TNNI3K: variants seen among roughly 807,000 people sequenced by gnomAD.
The protein encoded by TNNI3K is TNNI3 interacting kinase.
Under a neutral mutation model 114.5 loss-of-function variants are expected in TNNI3K, and 140 were observed. That is an observed-to-expected ratio of 1.22 (90% confidence interval 1.07 to 1.41). TNNI3K has a LOEUF of 1.41. TNNI3K is among the 40% of genes most tolerant of loss of function. The pLI is 0.00. For missense variants in TNNI3K, 1,125 were observed against 1,007.6 expected, an observed-to-expected ratio of 1.12 and a Z score of -1.58; for synonymous variants, 347 against 347.5, an observed-to-expected ratio of 1.00 and a Z score of 0.02.
intron 23 of TNNI3K, among the ~76,000 whole-genome samples, chr1:74,520,206 G>A (rs1457221137): frequency 6.6e-6 from 1 of 151,814 alleles, no homozygotes; most frequent in Non-Finnish European, 1.5e-5. Context: ...TTATGCATGT[G>A]CATCCTCATA....
intron 23 of TNNI3K, among the ~76,000 whole-genome samples, chr1:74,530,263 G>A (rs139076785): frequency 1.8e-3 from 275 of 152,336 alleles, no homozygotes; most frequent in African/African-American, 6.3e-3. Context: ...AAGAGAGATA[G>A]GGATATAGCC....
chr1:74,240,163 G>A (rs1351418657), intron 2 of TNNI3K: 5 of 198,668 alleles, frequency 2.5e-5, no homozygotes, highest in African/African-American at 7.0e-5. Context: ...GTTCATTAAA[G>A]GCAGCTTTTT....
intron 9 of TNNI3K, among the ~76,000 whole-genome samples, chr1:74,351,153 G>T (rs1244724781): frequency 6.6e-6 from 1 of 151,932 alleles, no homozygotes; most frequent in Non-Finnish European, 1.5e-5. Flanking sequence ...CTCTTTTAGG[G>T]CAGGCCTGGT....
intron 21 of TNNI3K, chr1:74,469,595 TTTGC>T (rs1667826155): frequency 3.6e-6 from 1 of 276,154 alleles, no homozygotes; most frequent in African/African-American, 2.2e-5. Flanking sequence ...TTTTTCAATG[TTTGC>T]TTGCTTTTGC....
At chr1:74,406,056 G>T (rs1664596917) in intron 17 of TNNI3K, among the ~76,000 whole-genome samples, 1 of 152,244 alleles carries the variant, frequency 6.6e-6, no homozygotes, top group South Asian at 2.1e-4. Flanking sequence ...AAAATTGAGA[G>T]ATGGGTCAGT....
At chr1:74,465,199 C>T (rs1246479138) in intron 21 of TNNI3K, among the ~76,000 whole-genome samples, 1 of 152,198 alleles carries the variant, frequency 6.6e-6, no homozygotes, top group East Asian at 1.9e-4. Context: ...AACTCTTCAG[C>T]CCCCAGCTGC....
intron 2 of TNNI3K, chr1:74,240,326 C>G (rs1654111321): frequency 6.5e-6 from 1 of 153,800 alleles, no homozygotes; most frequent in Non-Finnish European, 1.4e-5. Flanking sequence ...AGCACAGTGT[C>G]TGGCACATGG....
At chr1:74,342,715 A>T in intron 7 of TNNI3K, 127 bp from the exon 8 acceptor site, 1 of 1,245,292 alleles carries the variant, frequency 8.0e-7, no homozygotes, top group Non-Finnish European at 1.1e-6. Context: ...TTCCTTTATG[A>T]TTATCATTAA....
At chr1:74,258,292 G>A (rs1448332207) in intron 4 of TNNI3K, among the ~76,000 whole-genome samples, 1 of 151,966 alleles carries the variant, frequency 6.6e-6, no homozygotes, top group Non-Finnish European at 1.5e-5. Flanking sequence ...TCTTCTTCTC[G>A]GTTACCCTGC....
chr1:74,510,246 C>G, intron 23 of TNNI3K, among the ~76,000 whole-genome samples: 1 of 152,116 alleles, frequency 6.6e-6, no homozygotes, highest in East Asian at 1.9e-4. Flanking sequence ...GTGGCTCACG[C>G]CTGTAATCCC....
chr1:74,543,292 T>G (rs1041852301), intron 24 of TNNI3K, among the ~76,000 whole-genome samples: 3 of 152,040 alleles, frequency 2.0e-5, no homozygotes, highest in African/African-American at 7.2e-5. Flanking sequence ...CAGGATGGTC[T>G]CGATCTCCCG....
chr1:74,496,668 T>A (rs1570701074), intron 23 of TNNI3K, among the ~76,000 whole-genome samples: 2 of 152,274 alleles, frequency 1.3e-5, no homozygotes, highest in South Asian at 4.2e-4. Flanking sequence ...AGAGATTTTC[T>A]CCACAGATAA....
At chr1:74,479,268 C>T (rs888961603) in intron 21 of TNNI3K, among the ~76,000 whole-genome samples, 9 of 152,156 alleles carry the variant, frequency 5.9e-5, no homozygotes, top group African/African-American at 2.2e-4. Flanking sequence ...TAAGAAATCT[C>T]ATGCATCTTT....
chr1:74,241,100 A>G (rs1306328483), intron 2 of TNNI3K, among the ~76,000 whole-genome samples: 1 of 152,138 alleles, frequency 6.6e-6, no homozygotes, highest in Non-Finnish European at 1.5e-5. Flanking sequence ...AAGGACATGA[A>G]GTCATCATTT....
At chr1:74,452,615 T>A (rs1397461781) in intron 20 of TNNI3K, among the ~76,000 whole-genome samples, 1 of 152,226 alleles carries the variant, frequency 6.6e-6, no homozygotes, top group Non-Finnish European at 1.5e-5. Context: ...GCTTTGCTTA[T>A]CATCTTTTTT....
At position 74,484,414 on chromosome 1, in the gene TNNI3K, T is replaced by C. The variant is rs1419652623; in HGVS notation, c.2122-4775T>C. Among the ~76,000 whole-genome samples the C allele has an allele frequency of 2.6e-5, 4 of 152,316 alleles. No homozygotes were observed. The East Asian group carries it at 7.7e-4, about 29-fold the overall frequency. On this transcript the variant is annotated intron_variant, in intron 21 of 24. Coordinates refer to ENST00000326637, the MANE Select transcript of TNNI3K (RefSeq NM_015978.3). The stretch of plus-strand genomic sequence containing the variant: ...AGCAGGGGCTGACAAGCACCTGCCC[T>C]TGTGAAGTGTACTTTCTATAAAAGG...
At chr1:74,371,841 G>A (rs760095936) in intron 17 of TNNI3K, 8 of 151,650 alleles carry the variant, frequency 5.3e-5, no homozygotes, top group African/African-American at 9.7e-5. Context: ...TCCAGCATCT[G>A]GTAAAATATC....
chr1:74,459,040 T>C (rs1667340817), intron 20 of TNNI3K, among the ~76,000 whole-genome samples: 1 of 152,182 alleles, frequency 6.6e-6, no homozygotes, highest in African/African-American at 2.4e-5. Flanking sequence ...TTAATTCCCC[T>C]TGGATAATGA....
intron 13 of TNNI3K, among the ~76,000 whole-genome samples, chr1:74,368,803 G>C (rs1662423337): frequency 6.6e-6 from 1 of 151,988 alleles, no homozygotes; most frequent in Middle Eastern, 3.4e-3. Flanking sequence ...CAAGGAGTGA[G>C]TAATCAAGAC....
Sources: gnomAD v4.1 joint callset for allele counts (sites outside exome capture counted in the v4.1 genomes callset) on GRCh38, gnomAD v4.1.1 for gene constraint, MANE v1.5 for transcripts, NCBI Gene and HGNC (gene_info 2026-07-23, HGNC 2026-07-21) for gene names.